THSD7B: variants seen among roughly 807,000 people sequenced by gnomAD.
THSD7B encodes the protein thrombospondin type-1 domain-containing protein 7B.
A neutral mutation model predicts 213.6 loss-of-function variants in THSD7B; 138 were observed. The ratio of observed to expected loss-of-function variants is 0.65; its 90% CI spans 0.56 to 0.74. The LOEUF (loss-of-function observed/expected upper bound fraction) is 0.74, where lower values mean the gene tolerates loss of function less well. Among genes scored for constraint, THSD7B ranks in the 30% least tolerant of loss-of-function variants. The pLI, the probability that THSD7B is intolerant of heterozygous loss-of-function variation, is 0.00. For missense variants in THSD7B, 1,931 were observed against 1,991.5 expected (o/e 0.97, Z 0.58); for synonymous variants, 742 against 687.0 (o/e 1.08, Z -1.25).
chr2:137,482,465 G>A lies in THSD7B; in HGVS notation c.3138+31442G>A, dbSNP rs1420618110. The stretch of plus-strand genomic sequence containing the variant: ...TGTGGGTCTCCAATGGGTGGCGCAG[G>A]ATGAATGTGGCATAGCATATTTTGT... On this transcript the variant is annotated intron_variant, in intron 15 of 27. Transcript: ENST00000409968. Among the ~76,000 whole-genome samples the A allele has an allele frequency of 2.0e-5, 3 of 152,178 alleles. No individual in the cohort carries two copies. In the South Asian group the frequency reaches 6.2e-4, roughly 32 times the overall value.
Position 137,056,756 on chromosome 2 carries a change from G to T in THSD7B, c.476G>T (p.Cys159Phe), listed in dbSNP as rs1687171739. 6.2e-7 allele frequency: 1 copy of T among 1,613,978 alleles called. No homozygotes were observed. The highest frequency in any genetic ancestry group is 8.5e-7 in the Non-Finnish European group (1 of 1,179,896). ...LNRTVVANEI[C>F]EHFALQPPTE... ...CGAACTGTGGTTGCAAATGAAATAT[G>T]CGAACACTTTGCCCTTCAGCCTCCT... Residue 159 changes from cysteine to phenylalanine, a missense_variant, in exon 3 of 28, where the codon TGC (cysteine) becomes TTC (phenylalanine). Physicochemically the swap from Cys to Phe is radical, Grantham distance 205 (BLOSUM62 -2). Transcript: ENST00000409968.
chr2:136,881,732 A>T (rs938854643), intron 1 of THSD7B, among the ~76,000 whole-genome samples: 2 of 152,134 alleles, frequency 1.3e-5, no homozygotes, highest in East Asian at 1.9e-4. Context: ...AAAAGTATAA[A>T]CATGAGTTAA....
At chr2:137,428,064 CTT>C (rs1454827067) in intron 14 of THSD7B, among the ~76,000 whole-genome samples, 1 of 151,998 alleles carries the variant, frequency 6.6e-6, no homozygotes, top group Non-Finnish European at 1.5e-5. Flanking sequence ...TGATAAGAGA[CTT>C]GTATGCAGAA....
intron 14 of THSD7B, among the ~76,000 whole-genome samples, chr2:137,440,830 C>A (rs1004752123): frequency 6.6e-6 from 1 of 151,912 alleles, no homozygotes; most frequent in African/African-American, 2.4e-5. Context: ...CTTTAGGAAC[C>A]CTGGGAGATA....
In THSD7B at chr2:137,001,803, C is replaced by G. The variant is rs1039822309; in HGVS notation, c.140-54617C>G. On this transcript the variant is annotated intron_variant, in intron 2 of 27. Transcript: ENST00000409968. ...CATTTTCTCACAACCAGTCACTTTT[C>G]TCCTCTATTTATCAACCCAAGAGCT... Among the ~76,000 whole-genome samples the G allele has an allele frequency of 3.3e-5, 5 of 152,232 alleles. No individual in the cohort carries two copies. In the South Asian group the frequency reaches 6.2e-4, roughly 19 times the overall value.
In THSD7B at chr2:137,285,304, A is replaced by G. The variant is rs145661006; in HGVS notation, c.2500+9278A>G. 5.8e-3 allele frequency among the ~76,000 whole-genome samples: 876 copies of G among 152,138 alleles called. 3 individuals are homozygous for G. Among genetic ancestry groups the G allele is most frequent in the Non-Finnish European group, 7.9e-3 (539 of 68,006 alleles). On this transcript the variant is annotated intron_variant, in intron 12 of 27. Transcript: ENST00000409968. ...TGAGCCTATGTGTGTCTCTGCACGT[A>G]AGATGGGTTTCCTGAATATAGCACA...
intron 4 of THSD7B, among the ~76,000 whole-genome samples, chr2:137,103,706 A>G (rs56011651): frequency 0.2 from 30,143 of 151,694 alleles, 3,199 homozygotes; most frequent in African/African-American, 0.26. Flanking sequence ...GCAAATAGAA[A>G]GAAAAAAAAA....
At chr2:136,924,720 T>C (rs902045715) in intron 2 of THSD7B, among the ~76,000 whole-genome samples, 6 of 152,318 alleles carry the variant, frequency 3.9e-5, no homozygotes, top group East Asian at 1.9e-4. Context: ...CAAAGTGTCA[T>C]TGGAGTTTTC....
intron 5 of THSD7B, among the ~76,000 whole-genome samples, chr2:137,129,197 A>T (rs1355275025): frequency 2.0e-5 from 3 of 152,150 alleles, no homozygotes; most frequent in Admixed American, 6.5e-5. Flanking sequence ...ATCTTAAAAG[A>T]CACAGTGGTG....
intron 2 of THSD7B, among the ~76,000 whole-genome samples, chr2:137,048,246 T>C (rs1687003896): frequency 6.6e-6 from 1 of 152,206 alleles, no homozygotes; most frequent in Non-Finnish European, 1.5e-5. Flanking sequence ...AGTTACAATG[T>C]TACTGCTATT....
intron 10 of THSD7B, among the ~76,000 whole-genome samples, chr2:137,249,880 T>G (rs1214127636): frequency 6.6e-6 from 1 of 152,230 alleles, no homozygotes; most frequent in African/African-American, 2.4e-5. Context: ...AGGCTTTGCA[T>G]GTTATAGATC....
At chr2:137,551,522 G>A (rs907764574) in intron 15 of THSD7B, among the ~76,000 whole-genome samples, 1 of 152,090 alleles carries the variant, frequency 6.6e-6, no homozygotes, top group Non-Finnish European at 1.5e-5. Flanking sequence ...CTGTCCTTAA[G>A]AGCCACACAT....
At chr2:136,935,092 G>A (rs967610331) in intron 2 of THSD7B, among the ~76,000 whole-genome samples, 8 of 152,214 alleles carry the variant, frequency 5.3e-5, no homozygotes, top group African/African-American at 1.9e-4. Context: ...GGATTCAAAG[G>A]CAATTAGAGG....
chr2:136,990,211 A>T (rs1558878839), intron 2 of THSD7B, among the ~76,000 whole-genome samples: 1 of 147,258 alleles, frequency 6.8e-6, no homozygotes, highest in South Asian at 2.2e-4. Flanking sequence ...TAGAACTCTC[A>T]TTGATTGCAT....
chr2:137,366,864 A>G (rs1023619327), intron 12 of THSD7B, among the ~76,000 whole-genome samples: 1 of 152,126 alleles, frequency 6.6e-6, no homozygotes, highest in African/African-American at 2.4e-5. Context: ...TTCCTTTGCT[A>G]TAATCTTTAT....
chr2:137,315,636 C>T (rs1684079333), intron 12 of THSD7B, among the ~76,000 whole-genome samples: 1 of 152,024 alleles, frequency 6.6e-6, no homozygotes, highest in African/African-American at 2.4e-5. Flanking sequence ...GCCCCTCTAT[C>T]TCTAGATTAT....
chr2:136,962,403 C>CTTTTTTTTT (rs71400559), intron 2 of THSD7B, among the ~76,000 whole-genome samples: 30 of 100,162 alleles, frequency 3.0e-4, no homozygotes, highest in African/African-American at 6.5e-4. Flanking sequence ...AATCTGTTAT[C>CTTTTTTTTT]TTTTTTTTTT....
intron 21 of THSD7B, among the ~76,000 whole-genome samples, chr2:137,648,322 ATTTCT>A (rs1683075339): frequency 6.6e-6 from 1 of 152,042 alleles, no homozygotes; most frequent in Admixed American, 6.6e-5. Context: ...ACTGGGTCTT[ATTTCT>A]TTTATCAAAC....
At chr2:137,512,879 C>G (rs1362639363) in intron 15 of THSD7B, among the ~76,000 whole-genome samples, 1 of 152,050 alleles carries the variant, frequency 6.6e-6, no homozygotes. Context: ...GTAAACTAAG[C>G]AGAAACAAGA....
Sources: allele counts gnomAD v4.1 joint callset (sites outside exome capture counted in the v4.1 genomes callset), GRCh38; gene constraint gnomAD v4.1.1; transcripts MANE v1.5; gene names NCBI Gene and HGNC (gene_info 2026-07-23, HGNC 2026-07-21).